SDK1: variants seen among roughly 807,000 people sequenced by gnomAD.
The protein encoded by SDK1 is protein sidekick-1.
SDK1 carries 157 observed loss-of-function variants against 245.5 expected under a neutral mutation model. The observed-to-expected ratio is 0.64, with a 90% confidence interval of 0.56 to 0.73. The LOEUF (loss-of-function observed/expected upper bound fraction) is 0.73. Among genes scored for constraint, SDK1 ranks in the 30% least tolerant of loss-of-function variants. The pLI, the probability that SDK1 is intolerant of heterozygous loss-of-function variation, is 0.00. For missense variants in SDK1, 3,583 were observed against 3,002.3 expected (o/e 1.19, Z -4.52); for synonymous variants, 1,647 against 1,278.5 (o/e 1.29, Z -6.15).
Position 3,431,552 on chromosome 7 carries a change from A to AT in SDK1, c.298+129676dup, listed in dbSNP as rs1380705492. On this transcript the variant is annotated intron_variant, in intron 1 of 44. Coordinates refer to ENST00000404826, the MANE Select transcript of SDK1 (RefSeq NM_152744.4). ...AATACCAAAGGTGAATACCAAATCA[A>AT]TTTTTTTTAGTATTGTACTTGTAAA... Among the ~76,000 whole-genome samples, 11 of 151,852 alleles carry AT rather than the reference A, an allele frequency of 7.2e-5. 1 individual carries two copies. The highest frequency in any genetic ancestry group is 1.3e-4 in the Admixed American group (2 of 15,244).
At chr7:4,016,589 A>G (rs77804882) in intron 16 of SDK1, among the ~76,000 whole-genome samples, 2 of 152,260 alleles carry the variant, frequency 1.3e-5, no homozygotes, top group African/African-American at 4.8e-5. Context: ...TGCTAAGAAC[A>G]TAGTACCCAA....
chr7:3,655,608 G>C (rs1783158537), intron 4 of SDK1, among the ~76,000 whole-genome samples: 1 of 149,864 alleles, frequency 6.7e-6, no homozygotes, highest in Non-Finnish European at 1.5e-5. Context: ...GCTGCTAATT[G>C]TAATCCCAGA....
intron 13 of SDK1, among the ~76,000 whole-genome samples, chr7:3,978,358 A>C (rs542433384): frequency 3.4e-4 from 52 of 152,340 alleles, no homozygotes; most frequent in Admixed American, 7.2e-4. Context: ...GATTTCCTCT[A>C]AGTAAAATAC....
chr7:3,393,821 T>C (rs146499323), intron 1 of SDK1, among the ~76,000 whole-genome samples: 1 of 152,342 alleles, frequency 6.6e-6, no homozygotes, highest in East Asian at 1.9e-4. Context: ...GTATATCTGT[T>C]TCTTAAGGAT....
rs768369934 is a variant in SDK1, at chr7:4,114,054, G to A, written c.3603G>A (p.Gln1201=). 6.2e-6 allele frequency: 10 copies of A among 1,614,070 alleles called. 1 individual carries two copies. The Admixed American group carries it at 1.0e-4, about 16-fold the overall frequency. The change falls in exon 25 of 45, where the codon CAG becomes CAA. Residue 1201 remains glutamine (Q), a synonymous_variant. Coordinates refer to ENST00000404826, the MANE Select transcript of SDK1 (RefSeq NM_152744.4). ...RLRWVPLPDS[Q]YNGNPESVGY... is the part of the protein sequence containing the mutation. ...CTTCCTAGCCCCTGCCGGATTCTCA[G>A]TACAACGGGAACCCCGAGTCCGTGG...
intron 36 of SDK1, 103 bp from the exon 37 acceptor site, chr7:4,207,996 C>G (rs1784319770): frequency 4.7e-6 from 4 of 858,826 alleles, no homozygotes; most frequent in Non-Finnish European, 1.9e-6. Flanking sequence ...ACAGCTCGCC[C>G]CAGAACTCAG....
chr7:3,876,478 T>G (rs2115142036), intron 5 of SDK1, among the ~76,000 whole-genome samples: 1 of 152,298 alleles, frequency 6.6e-6, no homozygotes, highest in South Asian at 2.1e-4. Flanking sequence ...TTTGTCCTCA[T>G]TCTCCTAAAA....
chr7:3,877,993 G>A lies in SDK1; in HGVS notation c.847+56410G>A, dbSNP rs541892971. Among the ~76,000 whole-genome samples, 12 of 152,332 alleles carry A rather than the reference G, an allele frequency of 7.9e-5. No homozygotes were observed. In the East Asian group the frequency reaches 2.3e-3, roughly 29 times the overall value. ...GTAAATTTGCTGGAACAGAGGGAAT[G>A]CCTATTTTAAATAATGAGACATATC... On this transcript the variant is annotated intron_variant, in intron 5 of 44. Transcript: ENST00000404826.
chr7:4,196,203 C>T (rs915640228), intron 35 of SDK1, among the ~76,000 whole-genome samples: 8 of 152,178 alleles, frequency 5.3e-5, no homozygotes, highest in African/African-American at 1.9e-4. Flanking sequence ...CTGGTCACTG[C>T]AACTGGTGGA....
chr7:4,149,841 G>C (rs540505669), intron 30 of SDK1, among the ~76,000 whole-genome samples: 1 of 152,132 alleles, frequency 6.6e-6, no homozygotes, highest in Non-Finnish European at 1.5e-5. Flanking sequence ...GGCTGGCCTC[G>C]GGTGTCCAGG....
intron 20 of SDK1, among the ~76,000 whole-genome samples, chr7:4,071,539 C>T (rs543268346): frequency 7.2e-5 from 11 of 152,176 alleles, no homozygotes; most frequent in South Asian, 2.1e-4. Flanking sequence ...TGCCTGGAGT[C>T]GAAGGAATTA....
chr7:3,822,390 G>A (rs1779667498), intron 5 of SDK1, among the ~76,000 whole-genome samples: 1 of 152,156 alleles, frequency 6.6e-6, no homozygotes, highest in African/African-American at 2.4e-5. Context: ...TCATATGAGT[G>A]AATTATATTG....
chr7:4,037,641 T>G (rs1788319416), intron 17 of SDK1, among the ~76,000 whole-genome samples: 1 of 152,074 alleles, frequency 6.6e-6, no homozygotes, highest in African/African-American at 2.4e-5. Context: ...TAAAATAGCT[T>G]CTTTTGTCAA....
intron 5 of SDK1, among the ~76,000 whole-genome samples, chr7:3,826,259 C>G (rs1027706692): frequency 6.6e-6 from 1 of 152,200 alleles, no homozygotes; most frequent in Admixed American, 6.5e-5. Flanking sequence ...CATTAACCAT[C>G]AGACAGAAGA....
intron 1 of SDK1, among the ~76,000 whole-genome samples, chr7:3,535,706 G>C (rs962286143): frequency 1.3e-5 from 2 of 152,104 alleles, no homozygotes; most frequent in African/African-American, 4.8e-5. Context: ...TTCTGTGTAT[G>C]TATATGCGTG....
chr7:4,221,424 CTG>C, intron 40 of SDK1, 60 bp downstream of exon 40: 2 of 1,530,766 alleles, frequency 1.3e-6, no homozygotes, highest in Non-Finnish European at 1.8e-6. Context: ...GCTTCTAAGA[CTG>C]TGTCGGGGGC....
intron 11 of SDK1, among the ~76,000 whole-genome samples, chr7:3,970,961 G>T (rs1301681605): frequency 1.3e-5 from 2 of 152,174 alleles, no homozygotes; most frequent in African/African-American, 4.8e-5. Context: ...TACTGGCTTG[G>T]GGGAGGTGGG....
At chr7:3,635,432 G>A (rs998200881) in intron 2 of SDK1, among the ~76,000 whole-genome samples, 3 of 152,078 alleles carry the variant, frequency 2.0e-5, no homozygotes, top group African/African-American at 7.2e-5. Context: ...TCCTTTTTCA[G>A]GTTGCCTAAT....
At chr7:3,380,117 A>G (rs773575075) in intron 1 of SDK1, among the ~76,000 whole-genome samples, 8 of 152,310 alleles carry the variant, frequency 5.3e-5, no homozygotes, top group Non-Finnish European at 8.8e-5. Context: ...CAACTTTTCT[A>G]TGACTGTGGA....
Sources: allele counts gnomAD v4.1 joint callset (sites outside exome capture counted in the v4.1 genomes callset), GRCh38; gene constraint gnomAD v4.1.1; transcripts MANE v1.5; gene names NCBI Gene and HGNC (gene_info 2026-07-23, HGNC 2026-07-21).